Variants in ZMIZ1 observed in about 807,000 individuals in gnomAD.
ZMIZ1 encodes the protein zinc finger MIZ-type containing 1.
In ZMIZ1, 17 loss-of-function variants were observed where a neutral mutation model predicts 113.9. The ratio of observed to expected loss-of-function variants is 0.15; its 90% CI spans 0.10 to 0.22. The LOEUF (loss-of-function observed/expected upper bound fraction) is 0.22. ZMIZ1 is among the 10% of genes least tolerant of loss of function. ZMIZ1 has a pLI of 1.00. For synonymous variants in ZMIZ1, 607 were observed against 603.1 expected (o/e 1.01, Z -0.09); for missense variants, 1,059 against 1,477.8 (o/e 0.72, Z 4.65).
intron 7 of ZMIZ1, among the ~76,000 whole-genome samples, chr10:79,257,616 C>G (rs1851001100): frequency 6.6e-6 from 1 of 152,208 alleles, no homozygotes; most frequent in African/African-American, 2.4e-5. Flanking sequence ...CCTCACAGAC[C>G]ATGGTGATGT....
rs1842615044 is a variant in ZMIZ1 at position 79,080,302 on chromosome 10, T to C, written c.-337+11032T>C. Among the ~76,000 whole-genome samples, 7 of 19,900 alleles carry C rather than the reference T, an allele frequency of 3.5e-4. 1 individual carries two copies. Among genetic ancestry groups the C allele is most frequent in the Admixed American group, 2.7e-3 (7 of 2,620 alleles). The allele number at this position is 19,900 out of a possible 152,430, so 13.1% of individuals were successfully genotyped here. A position where few individuals can be genotyped will look rare whatever the true frequency, so the allele number is the denominator to read the frequency against. ...AAGAGCAGAAAGCTCGGGTGTGACT[T>C]TTTTTTTTTTTTTTTTTTTTTTGAG... On this transcript the variant is annotated intron_variant, in intron 1 of 24. Coordinates refer to ENST00000334512, the MANE Select transcript of ZMIZ1 (RefSeq NM_020338.4).
In ZMIZ1 at chr10:79,294,047, A is replaced by T; in HGVS notation, c.1230+394A>T. On this transcript the variant is annotated intron_variant, in intron 12 of 24. Transcript: ENST00000334512. ...ATGAGAGCTTCCCCAACTCCTCTCCAAGAAAGAGAGCTGAGACAAAATGCT... is the reference window on the plus strand; with the variant it reads ...ATGAGAGCTTCCCCAACTCCTCTCCTAGAAAGAGAGCTGAGACAAAATGCT... 3 of 284,704 alleles carry T rather than the reference A, an allele frequency of 1.1e-5. No individual in the cohort carries two copies. In the South Asian group the frequency reaches 1.3e-4, roughly 13 times the overall value. 17.6% of individuals were successfully genotyped at this position (284,704 alleles called of 1,614,324 possible). A position where few individuals can be genotyped will look rare whatever the true frequency, so the allele number is the denominator to read the frequency against.
intron 7 of ZMIZ1, among the ~76,000 whole-genome samples, chr10:79,252,680 T>C (rs140865521): frequency 6.6e-5 from 10 of 152,328 alleles, no homozygotes; most frequent in South Asian, 2.1e-4. Context: ...AGGTCTGTTA[T>C]AGCTACAGGA....
chr10:79,150,692 T>G (rs930599504), intron 3 of ZMIZ1, among the ~76,000 whole-genome samples: 2 of 152,170 alleles, frequency 1.3e-5, no homozygotes, highest in Admixed American at 6.5e-5. Context: ...GTGGGTTGAA[T>G]GTGTGCCCTG....
chr10:79,167,782 C>G (rs1221248850), intron 4 of ZMIZ1, among the ~76,000 whole-genome samples: 1 of 152,162 alleles, frequency 6.6e-6, no homozygotes, highest in Non-Finnish European at 1.5e-5. Context: ...CTAGACGGAG[C>G]TAGGAGGGTG....
intron 1 of ZMIZ1, among the ~76,000 whole-genome samples, chr10:79,078,719 A>ATTTTCTT (rs1842560795): frequency 8.0e-6 from 1 of 125,082 alleles, no homozygotes; most frequent in Non-Finnish European, 1.6e-5. Flanking sequence ...TAATTTTTGT[A>ATTTTCTT]TTTTTTTTTT....
intron 4 of ZMIZ1, among the ~76,000 whole-genome samples, chr10:79,175,234 G>A (rs1305557261): frequency 6.6e-6 from 1 of 152,190 alleles, no homozygotes; most frequent in African/African-American, 2.4e-5. Context: ...TCTGCCCAGG[G>A]TGGGGCAGCT....
At chr10:79,218,233 G>C (rs150644338) in intron 7 of ZMIZ1, among the ~76,000 whole-genome samples, 2 of 152,288 alleles carry the variant, frequency 1.3e-5, no homozygotes, top group African/African-American at 4.8e-5. Context: ...CAGCACTTTG[G>C]GAGGCTCAGG....
intron 7 of ZMIZ1, among the ~76,000 whole-genome samples, chr10:79,246,743 C>T (rs745339696): frequency 5.3e-5 from 8 of 152,166 alleles, no homozygotes; most frequent in Admixed American, 2.0e-4. Flanking sequence ...AGCTGCCTCA[C>T]GAGGGAGCCT....
intron 1 of ZMIZ1, among the ~76,000 whole-genome samples, chr10:79,094,339 G>A (rs1219960906): frequency 2.8e-5 from 4 of 145,066 alleles, no homozygotes; most frequent in South Asian, 4.4e-4. Context: ...CCTGCAACCC[G>A]GAGGGAGCTG....
chr10:79,217,720 T>C lies in ZMIZ1; in HGVS notation c.280+1446T>C, dbSNP rs541560051. Reference sequence around the variant, plus strand: ...CGCCTCTTTCCATGTATGTTTCCAGTCTGCACACATGGATGGCGCTGCACA... The same window carrying C: ...CGCCTCTTTCCATGTATGTTTCCAGCCTGCACACATGGATGGCGCTGCACA... On this transcript the variant is annotated intron_variant, in intron 7 of 24. Coordinates refer to ENST00000334512, the MANE Select transcript of ZMIZ1 (RefSeq NM_020338.4). 1.6e-4 allele frequency among the ~76,000 whole-genome samples: 25 copies of C among 152,332 alleles called. 1 individual carries two copies. In the South Asian group the frequency reaches 2.9e-3, roughly 18 times the overall value.
intron 2 of ZMIZ1, among the ~76,000 whole-genome samples, chr10:79,122,237 G>A (rs1238981910): frequency 6.6e-6 from 1 of 152,092 alleles, no homozygotes; most frequent in Non-Finnish European, 1.5e-5. Flanking sequence ...AATGAGCGAT[G>A]GTACCCTCCT....
intron 7 of ZMIZ1, among the ~76,000 whole-genome samples, chr10:79,276,850 A>G (rs1193191707): frequency 6.6e-6 from 1 of 152,010 alleles, no homozygotes; most frequent in Non-Finnish European, 1.5e-5. Flanking sequence ...TCACTCCTCC[A>G]GTTTCCACTT....
chr10:79,282,147 A>T (rs1302714842), intron 8 of ZMIZ1, among the ~76,000 whole-genome samples: 1 of 152,258 alleles, frequency 6.6e-6, no homozygotes, highest in African/African-American at 2.4e-5. Flanking sequence ...ACGGGGTCCA[A>T]CACCTCATAA....
At chr10:79,107,281 A>T (rs1272079249) in intron 1 of ZMIZ1, among the ~76,000 whole-genome samples, 1 of 152,190 alleles carries the variant, frequency 6.6e-6, no homozygotes, top group Non-Finnish European at 1.5e-5. Context: ...AGCGGGTTAG[A>T]CCTCAGGAGT....
At chr10:79,114,748 G>A (rs1022671956) in intron 1 of ZMIZ1, among the ~76,000 whole-genome samples, 2 of 152,112 alleles carry the variant, frequency 1.3e-5, no homozygotes, top group Non-Finnish European at 2.9e-5. Flanking sequence ...GTATCACCAC[G>A]GGCTGAGAAT....
intron 9 of ZMIZ1, 56 bp downstream of exon 9, chr10:79,289,945 A>G: frequency 6.5e-7 from 1 of 1,539,432 alleles, no homozygotes; most frequent in Non-Finnish European, 8.9e-7. Context: ...GTGTCCCTTG[A>G]CCCCTGGAGC....
At chr10:79,237,590 G>A (rs1227532378) in intron 7 of ZMIZ1, among the ~76,000 whole-genome samples, 1 of 152,102 alleles carries the variant, frequency 6.6e-6, no homozygotes, top group African/African-American at 2.4e-5. Flanking sequence ...CAGTCTTCAC[G>A]TGGCATTGTC....
chr10:79,116,766 T>C (rs1047644774), intron 1 of ZMIZ1, among the ~76,000 whole-genome samples: 4 of 152,222 alleles, frequency 2.6e-5, no homozygotes, highest in Admixed American at 2.6e-4. Context: ...CTTCTGTAGC[T>C]GCCAGGCAGA....
Sources: allele counts gnomAD v4.1 joint callset (sites outside exome capture counted in the v4.1 genomes callset), GRCh38; gene constraint gnomAD v4.1.1; transcripts MANE v1.5; gene names NCBI Gene and HGNC (gene_info 2026-07-23, HGNC 2026-07-21).